SMOC1: variants seen among roughly 807,000 people sequenced by gnomAD.
SMOC1 encodes SPARC related modular calcium binding 1.
In SMOC1, 22 loss-of-function variants were observed where a neutral mutation model predicts 56.3. The observed-to-expected ratio is 0.39, with a 90% CI of 0.28 to 0.56. The LOEUF (loss-of-function observed/expected upper bound fraction) is 0.56. SMOC1 is among the 20% of genes least tolerant of loss of function. The probability of loss-of-function intolerance (pLI) is 0.61; values close to 1 mark genes in which losing one functional copy is unlikely to be tolerated. For synonymous variants in SMOC1, 193 were observed against 215.0 expected, an observed-to-expected ratio of 0.90 and a Z score of 0.89; for missense variants, 509 against 565.4, an observed-to-expected ratio of 0.90 and a Z score of 1.01.
chr14:69,982,544 T>G (rs1594837472), intron 5 of SMOC1, among the ~76,000 whole-genome samples: 1 of 152,150 alleles, frequency 6.6e-6, no homozygotes, highest in Non-Finnish European at 1.5e-5. Flanking sequence ...GGGGACTGGG[T>G]GGCCCCCCAG....
chr14:70,027,114 C>A (rs1320047096), intron 11 of SMOC1, among the ~76,000 whole-genome samples: 1 of 152,206 alleles, frequency 6.6e-6, no homozygotes, highest in Non-Finnish European at 1.5e-5. Flanking sequence ...GGACACACTG[C>A]TCTGGACCCA....
intron 1 of SMOC1, among the ~76,000 whole-genome samples, chr14:69,892,450 G>A (rs1883987364): frequency 6.6e-6 from 1 of 152,210 alleles, no homozygotes; most frequent in African/African-American, 2.4e-5. Flanking sequence ...TAAGCAAGCT[G>A]TATCGGAAAT....
chr14:69,881,868 GC>G (rs1166922635), intron 1 of SMOC1, among the ~76,000 whole-genome samples: 2 of 152,162 alleles, frequency 1.3e-5, no homozygotes, highest in East Asian at 3.9e-4. Context: ...TCTTTTAAAA[GC>G]CATTTTACAG....
At chr14:69,914,865 T>TTCATTCATTCATTC (rs1884643614) in intron 1 of SMOC1, among the ~76,000 whole-genome samples, 8 of 149,302 alleles carry the variant, frequency 5.4e-5, no homozygotes, top group Non-Finnish European at 1.0e-4. Context: ...TAATTTATTT[T>TTCATTCATTCATTC]ATTCATTCAT....
At chr14:70,015,315 C>T (rs1464571031) in intron 10 of SMOC1, among the ~76,000 whole-genome samples, 1 of 151,328 alleles carries the variant, frequency 6.6e-6, no homozygotes, top group African/African-American at 2.4e-5. Flanking sequence ...TGTCAAGTTT[C>T]AGCAAAGCAA....
intron 1 of SMOC1, among the ~76,000 whole-genome samples, chr14:69,951,448 G>T (rs179119): frequency 0.036 from 5,471 of 152,238 alleles, 183 homozygotes; most frequent in African/African-American, 0.086. Context: ...CCTTCACCAA[G>T]AAAATCTGCT....
chr14:69,975,624 G>C, intron 3 of SMOC1, 91 bp from the exon 4 acceptor site: 2 of 935,488 alleles, frequency 2.1e-6, no homozygotes, highest in South Asian at 2.6e-5. Context: ...CTCTTTCACC[G>C]TATGGGTGAT....
intron 3 of SMOC1, 77 bp downstream of exon 3, chr14:69,953,609 G>A: frequency 8.4e-7 from 1 of 1,194,816 alleles, no homozygotes; most frequent in Non-Finnish European, 1.2e-6. Flanking sequence ...CGCGAGGGCT[G>A]CTTGGCGCCT....
chr14:69,937,619 T>C (rs170568), intron 1 of SMOC1, among the ~76,000 whole-genome samples: 47,466 of 152,144 alleles, frequency 0.31, 9,162 homozygotes, highest in African/African-American at 0.55. Context: ...TCAATCCTTG[T>C]CTGAGCGACG....
At chr14:69,945,081 C>T (rs1282420896) in intron 1 of SMOC1, among the ~76,000 whole-genome samples, 2 of 152,182 alleles carry the variant, frequency 1.3e-5, no homozygotes, top group African/African-American at 2.4e-5. Context: ...AAAAGAGCTA[C>T]TTCTTCATGA....
intron 1 of SMOC1, among the ~76,000 whole-genome samples, chr14:69,951,227 C>T (rs76321997): frequency 0.075 from 11,457 of 152,150 alleles, 472 homozygotes; most frequent in African/African-American, 0.11. Context: ...TGCAAGGCTT[C>T]GTGTAACCTA....
chr14:69,999,405 C>T (rs147702226), intron 7 of SMOC1, among the ~76,000 whole-genome samples: 49 of 152,274 alleles, frequency 3.2e-4, no homozygotes, highest in Admixed American at 1.6e-3. Flanking sequence ...ATAAACAGCT[C>T]GCAGGGAAAC....
rs747353237 is a variant in SMOC1 at position 69,975,772 on chromosome 14, A to G, written c.436A>G (p.Ile146Val). Residue 146 changes from isoleucine (I) to valine (V), a missense_variant, in exon 4 of 12, where the codon ATC becomes GTC. Around this residue, in one of 3 missense-constraint regions of SMOC1, gnomAD observed 315 missense variants for 333.1 expected, o/e 0.95. Coordinates refer to ENST00000361956, the MANE Select transcript of SMOC1 (RefSeq NM_001034852.3). ...CWCVTPDGKPISGSSVQNKTP... is the reference protein window; with the variant it reads ...CWCVTPDGKPVSGSSVQNKTP... Reference sequence around the variant, plus strand: ...GTGTGTCACCCCGGATGGGAAGCCCATCAGTGGCTCTTCTGTGCAGAATAA... The same window carrying G: ...GTGTGTCACCCCGGATGGGAAGCCCGTCAGTGGCTCTTCTGTGCAGAATAA... 3.6e-5 allele frequency: 58 copies of G among 1,612,836 alleles called. No homozygotes were observed. Among genetic ancestry groups the G allele is most frequent in the Admixed American group, 2.7e-4 (16 of 60,010 alleles).
chr14:69,941,761 A>C (rs1882573854), intron 1 of SMOC1, among the ~76,000 whole-genome samples: 1 of 152,156 alleles, frequency 6.6e-6, no homozygotes, highest in South Asian at 2.1e-4. Context: ...TCTATCTTGA[A>C]ATTACTTTGC....
intron 11 of SMOC1, among the ~76,000 whole-genome samples, chr14:70,024,474 A>G (rs548037064): frequency 6.6e-6 from 1 of 152,312 alleles, no homozygotes; most frequent in Admixed American, 6.5e-5. Flanking sequence ...GAGGGACCGT[A>G]TATGGCCCAC....
intron 1 of SMOC1, among the ~76,000 whole-genome samples, chr14:69,912,613 T>C (rs2139350045): frequency 6.6e-6 from 1 of 152,274 alleles, no homozygotes; most frequent in African/African-American, 2.4e-5. Flanking sequence ...TCAGAGGTGA[T>C]AGGTGGCCAG....
intron 11 of SMOC1, 103 bp downstream of exon 11, chr14:70,023,550 C>A: frequency 6.7e-7 from 1 of 1,489,890 alleles, no homozygotes; most frequent in Non-Finnish European, 9.3e-7. Context: ...CTCATCTATT[C>A]ATCAATTATT....
chr14:69,912,989 G>A (rs1290816536), intron 1 of SMOC1, among the ~76,000 whole-genome samples: 7 of 152,184 alleles, frequency 4.6e-5, no homozygotes. Context: ...AAAACTGGAA[G>A]CTTCAAATTA....
intron 1 of SMOC1, among the ~76,000 whole-genome samples, chr14:69,888,117 A>G (rs528015787): frequency 6.6e-6 from 1 of 152,046 alleles, no homozygotes; most frequent in Non-Finnish European, 1.5e-5. Context: ...GGGGAGGACA[A>G]AGGTTGAGTT....
Sources: gnomAD v4.1 joint callset for allele counts (sites outside exome capture counted in the v4.1 genomes callset) on GRCh38, gnomAD v4.1.1 for gene constraint, gnomAD v4.1.1 regional missense constraint, MANE v1.5 for transcripts, NCBI Gene and HGNC (gene_info 2026-07-23, HGNC 2026-07-21) for gene names.